Variants in DACH2 observed in about 807,000 individuals in gnomAD.
The protein encoded by DACH2 is dachshund homolog 2.
Under a neutral mutation model 35.8 loss-of-function variants are expected in DACH2, and 17 were observed. The ratio of observed to expected loss-of-function variants is 0.48; its 90% CI spans 0.33 to 0.71. The LOEUF is 0.71. Among genes scored for constraint, DACH2 ranks in the 30% least tolerant of loss-of-function variants. The pLI is 0.02. For missense variants in DACH2, 469 were observed against 472.7 expected (o/e 0.99, Z 0.07); for synonymous variants, 195 against 177.3 (o/e 1.10, Z -0.79).
chrX:86,753,167 G>C (rs1455708260), intron 7 of DACH2, among the ~76,000 whole-genome samples: 3 of 110,714 alleles, frequency 2.7e-5, no homozygotes, highest in Non-Finnish European at 5.7e-5. Context: ...GTTACTTCCA[G>C]TCTGTTATAT....
intron 1 of DACH2, among the ~76,000 whole-genome samples, chrX:86,217,775 TTAA>T (rs1351951185): frequency 4.5e-5 from 5 of 111,951 alleles, no homozygotes; most frequent in African/African-American, 1.6e-4. Context: ...TATTTTATCA[TTAA>T]TAACATTGTA....
intron 1 of DACH2, among the ~76,000 whole-genome samples, chrX:86,206,470 T>C (rs1411382987): frequency 8.9e-6 from 1 of 111,819 alleles, no homozygotes; most frequent in Non-Finnish European, 1.9e-5. Context: ...AAGTATGTAC[T>C]GCATTTGTAA....
intron 6 of DACH2, among the ~76,000 whole-genome samples, chrX:86,715,851 A>G (rs944820141): frequency 1.8e-5 from 2 of 111,368 alleles, no homozygotes; most frequent in African/African-American, 6.5e-5. Context: ...ATGGATTTCA[A>G]CTGAGCCTTG....
intron 7 of DACH2, among the ~76,000 whole-genome samples, chrX:86,779,232 G>A (rs962238304): frequency 8.9e-6 from 1 of 111,749 alleles, no homozygotes; most frequent in East Asian, 2.8e-4. Context: ...TTAAAATAAG[G>A]TGACCATAAA....
intron 7 of DACH2, among the ~76,000 whole-genome samples, chrX:86,760,593 T>C (rs752167055): frequency 3.6e-5 from 4 of 111,733 alleles, no homozygotes; most frequent in Non-Finnish European, 5.6e-5. Context: ...AGTTCCTGTC[T>C]CATATTCTGA....
intron 3 of DACH2, among the ~76,000 whole-genome samples, chrX:86,571,734 T>C (rs2039372806): frequency 9.1e-6 from 1 of 110,147 alleles, no homozygotes; most frequent in African/African-American, 3.3e-5. Context: ...CAATCCTAGG[T>C]CTTTTGCCTT....
intron 1 of DACH2, among the ~76,000 whole-genome samples, chrX:86,341,787 C>T (rs1569356556): frequency 3.6e-5 from 4 of 111,823 alleles, no homozygotes; most frequent in Non-Finnish European, 7.5e-5. Context: ...TTCCAGCCCT[C>T]GGGGATGACT....
At chrX:86,535,818 A>G (rs2038790407) in intron 3 of DACH2, among the ~76,000 whole-genome samples, 2 of 111,144 alleles carry the variant, frequency 1.8e-5, no homozygotes, top group South Asian at 7.6e-4. Context: ...TCACCTTTTC[A>G]ACTCTTTAAG....
intron 2 of DACH2, among the ~76,000 whole-genome samples, chrX:86,418,827 G>A (rs2036752798): frequency 9.0e-6 from 1 of 111,719 alleles, no homozygotes; most frequent in African/African-American, 3.3e-5. Context: ...CAGACTGCAT[G>A]TTCTCCAAAC....
chrX:86,536,543 T>C (rs760901144), intron 3 of DACH2, among the ~76,000 whole-genome samples: 8 of 111,283 alleles, frequency 7.2e-5, no homozygotes, highest in Admixed American at 4.8e-4. Context: ...ATCTACATGA[T>C]AAAAACCTTG....
At chrX:86,552,291 A>C (rs916105514) in intron 3 of DACH2, among the ~76,000 whole-genome samples, 1 of 112,013 alleles carries the variant, frequency 8.9e-6, no homozygotes, top group African/African-American at 3.2e-5. Context: ...TGAATCTAAA[A>C]AGTTGGAGGC....
chrX:86,462,897 A>G (rs889817755), intron 2 of DACH2, among the ~76,000 whole-genome samples: 1 of 111,669 alleles, frequency 9.0e-6, no homozygotes, highest in African/African-American at 3.2e-5. Context: ...ATGATTAGTT[A>G]TGTTCACAGT....
chrX:86,603,604 T>A lies in DACH2; in HGVS notation c.641-47432T>A, dbSNP rs190553432. On this transcript the variant is annotated intron_variant, in intron 3 of 11. Coordinates refer to ENST00000373125, the MANE Select transcript of DACH2 (RefSeq NM_053281.3). ...GACAACAAGTTATCTGACTGCTTTA[T>A]TAATTATTATTAATTTTTCAACTAT... Among the ~76,000 whole-genome samples the A allele has an allele frequency of 6.1e-4, 68 of 111,396 alleles. 2 individuals carry two copies. Among genetic ancestry groups the A allele is most frequent in the African/African-American group, 2.2e-3 (67 of 30,717 alleles).
At chrX:86,423,630 G>C (rs1280490728) in intron 2 of DACH2, among the ~76,000 whole-genome samples, 3 of 108,967 alleles carry the variant, frequency 2.8e-5, no homozygotes, top group Non-Finnish European at 5.8e-5. Flanking sequence ...TTCATTGATT[G>C]TTTCCTTTAC....
At chrX:86,449,068 T>C (rs2037316841) in intron 2 of DACH2, among the ~76,000 whole-genome samples, 1 of 8,271 alleles carries the variant, frequency 1.2e-4, no homozygotes, top group Admixed American at 1.4e-3. Context: ...CTTCTAGATT[T>C]TCTAGTTTAT....
chrX:86,256,820 G>T (rs189853086), intron 1 of DACH2, among the ~76,000 whole-genome samples: 3,420 of 111,129 alleles, frequency 0.031, 129 homozygotes, highest in African/African-American at 0.1. Context: ...GAGAATTTTT[G>T]TGTTTAGAGA....
At chrX:86,209,214 T>C (rs5968827) in intron 1 of DACH2, among the ~76,000 whole-genome samples, 19,901 of 110,961 alleles carry the variant, frequency 0.18, 4,375 homozygotes, top group African/African-American at 0.62. Context: ...TTGTTTCTTT[T>C]GATTAGCCTC....
At chrX:86,348,606 T>G (rs1569359192) in intron 1 of DACH2, among the ~76,000 whole-genome samples, 1 of 112,036 alleles carries the variant, frequency 8.9e-6, no homozygotes, top group African/African-American at 3.2e-5. Flanking sequence ...TTTTGGATTT[T>G]CGAGGTAAAG....
intron 3 of DACH2, among the ~76,000 whole-genome samples, chrX:86,646,263 T>C (rs1243094690): frequency 1.8e-5 from 2 of 109,189 alleles, no homozygotes; most frequent in African/African-American, 6.6e-5. Context: ...GCATAGAGTG[T>C]AAAGTAATAG....
Sources: allele counts gnomAD v4.1 joint callset (sites outside exome capture counted in the v4.1 genomes callset), GRCh38; gene constraint gnomAD v4.1.1; transcripts MANE v1.5; gene names NCBI Gene and HGNC (gene_info 2026-07-23, HGNC 2026-07-21).